Variants in RLF observed in about 807,000 individuals in gnomAD.
RLF encodes RLF zinc finger, also known as zinc finger protein Rlf.
RLF carries 7 observed loss-of-function variants against 162.9 expected under a neutral mutation model. The observed-to-expected ratio is 0.04, with a 90% CI of 0.02 to 0.08. The LOEUF (loss-of-function observed/expected upper bound fraction) is 0.08. Ranked by LOEUF, RLF falls within the 10% of genes least tolerant of loss-of-function variation. The pLI is 1.00. For synonymous variants in RLF, 782 were observed against 791.5 expected (o/e 0.99, Z 0.20); for missense variants, 1,664 against 2,244.7 (o/e 0.74, Z 5.23).
intron 5 of RLF, among the ~76,000 whole-genome samples, chr1:40,221,329 AAAC>A (rs1642990643): frequency 6.6e-6 from 1 of 152,140 alleles, no homozygotes; most frequent in African/African-American, 2.4e-5. Flanking sequence ...ATGAAAAAAA[AAAC>A]AAGATAATAC....
intron 5 of RLF, 114 bp downstream of exon 5, chr1:40,202,728 G>A (rs1274584630): frequency 6.5e-6 from 4 of 611,086 alleles, no homozygotes; most frequent in Non-Finnish European, 8.1e-6. Context: ...TTTTTTTCAG[G>A]CTACCAAAAT....
At position 40,220,320 on chromosome 1, in the gene RLF, T is replaced by G. The variant is rs139343050; in HGVS notation, c.811-2254T>G. Among the ~76,000 whole-genome samples the G allele has an allele frequency of 1.3e-3, 200 of 152,348 alleles. 1 individual carries two copies. The highest frequency in any genetic ancestry group is 4.6e-3 in the African/African-American group (193 of 41,572). On this transcript the variant is annotated intron_variant, in intron 5 of 7. Coordinates refer to ENST00000372771, the MANE Select transcript of RLF (RefSeq NM_012421.4). ...ATTGCTGGGTTACCCACAACTATAC[T>G]GAAATATTTTATTTCTATTTCTATG...
chr1:40,192,244 A>G (rs1276473247), intron 3 of RLF, among the ~76,000 whole-genome samples: 1 of 152,178 alleles, frequency 6.6e-6, no homozygotes, highest in Non-Finnish European at 1.5e-5. Context: ...GAAGCCTGCC[A>G]GTCGTTTTGT....
intron 5 of RLF, among the ~76,000 whole-genome samples, chr1:40,204,572 AATTTATTTTTT>A (rs1481384532): frequency 1.3e-5 from 2 of 151,626 alleles, no homozygotes; most frequent in African/African-American, 4.9e-5. Context: ...ATTCCCGATT[AATTTATTTTTT>A]ATTTATTTTT....
chr1:40,185,543 A>T (rs983846118), intron 1 of RLF, among the ~76,000 whole-genome samples: 1 of 126,594 alleles, frequency 7.9e-6, no homozygotes, highest in African/African-American at 3.1e-5. Context: ...AAAAAAAAAA[A>T]GCCGGGCGCA....
At chr1:40,200,143 C>T (rs928169236) in intron 4 of RLF, among the ~76,000 whole-genome samples, 7 of 152,134 alleles carry the variant, frequency 4.6e-5, no homozygotes, top group African/African-American at 1.7e-4. Flanking sequence ...AACCAAAAAA[C>T]ATACATCCCA....
intron 5 of RLF, among the ~76,000 whole-genome samples, chr1:40,210,442 A>G (rs112818370): frequency 1.8e-4 from 27 of 152,228 alleles, no homozygotes; most frequent in Non-Finnish European, 2.5e-4. Context: ...AGTACTTTGC[A>G]GGGATCCACT....
chr1:40,162,832 T>G (rs1021460043), intron 1 of RLF, among the ~76,000 whole-genome samples: 2 of 152,214 alleles, frequency 1.3e-5, no homozygotes, highest in South Asian at 2.1e-4. Context: ...TGTTAACGTG[T>G]TGTTGTTCTC....
At chr1:40,166,859 TG>T (rs1224038798) in intron 1 of RLF, among the ~76,000 whole-genome samples, 7 of 14,370 alleles carry the variant, frequency 4.9e-4, no homozygotes, top group Middle Eastern at 0.045. Context: ...TGTTGTGGGG[TG>T]GGGGGAGGGG....
At position 40,239,838 on chromosome 1, in the gene RLF, T is replaced by C. The variant is rs780032655; in HGVS notation, c.5136T>C (p.Tyr1712=). 9 of 1,613,936 alleles carry C rather than the reference T, an allele frequency of 5.6e-6. No homozygotes were observed. The highest frequency in any genetic ancestry group is 2.2e-5 in the East Asian group (1 of 44,892). ...PNPNGTESGT[Y]FTSFQLPLPR... is the part of the protein sequence containing the mutation. ...CCAATGGGACTGAAAGTGGGACTTA[T>C]TTCACAAGTTTCCAGCTGCCTTTAC... Residue 1712 remains tyrosine (Y), a synonymous_variant, in exon 8 of 8, where the codon TAT becomes TAC. Transcript: ENST00000372771.
Position 40,236,865 on chromosome 1 carries a change from A to G in RLF, c.2163A>G (p.Arg721=). Residue 721 remains arginine, a synonymous_variant, in exon 8 of 8, where the codon CGA becomes CGG. Transcript: ENST00000372771. This position sits in a 1 kb window ranked among gnomAD's most constrained non-coding sequence, Gnocchi z 7.7. ...NRREKCTYCR[R]HFMSAFHLRE... ...GAGAGAAGTGTACTTACTGTCGACGACATTTTATGTCTGCTTTTCACCTTC... is the reference window on the plus strand; with the variant it reads ...GAGAGAAGTGTACTTACTGTCGACGGCATTTTATGTCTGCTTTTCACCTTC... 6.2e-7 allele frequency: 1 copy of G among 1,614,198 alleles called. No individual in the cohort carries two copies. The highest frequency in any genetic ancestry group is 2.2e-5 in the East Asian group (1 of 44,890).
At chr1:40,195,944 AGTTTT>A (rs1252398936) in intron 4 of RLF, among the ~76,000 whole-genome samples, 180 bp downstream of exon 4, 1 of 152,198 alleles carries the variant, frequency 6.6e-6, no homozygotes, top group African/African-American at 2.4e-5. Flanking sequence ...TTGCACTGTT[AGTTTT>A]AAGTCCCTTT....
In RLF at chr1:40,237,594, A is replaced by G. The variant is rs1239625144; in HGVS notation, c.2892A>G (p.Thr964=). 1.9e-6 allele frequency: 3 copies of G among 1,614,048 alleles called. No homozygotes were observed. Among genetic ancestry groups the G allele is most frequent in the Non-Finnish European group, 2.5e-6 (3 of 1,180,000 alleles). The change falls in exon 8 of 8, where the codon ACA becomes ACG. Residue 964 remains threonine (T), a synonymous_variant. Coordinates refer to ENST00000372771, the MANE Select transcript of RLF (RefSeq NM_012421.4). The surrounding 1 kb of genome is among the most constrained non-coding windows in gnomAD (Gnocchi z 4.4). Reference sequence around the variant, plus strand: ...GTGGTTTTGATGGCTGTGGTTCCACATACAAAAATGCAAGAGGAATGCAGA... The same window carrying G: ...GTGGTTTTGATGGCTGTGGTTCCACGTACAAAAATGCAAGAGGAATGCAGA... ...FTCGFDGCGS[T]YKNARGMQKH...
intron 5 of RLF, among the ~76,000 whole-genome samples, chr1:40,218,171 A>G (rs1002895034): frequency 2.6e-5 from 4 of 152,240 alleles, no homozygotes; most frequent in African/African-American, 9.6e-5. Context: ...AGTAAGTTTC[A>G]GATCCTTTAG....
At chr1:40,212,864 T>G (rs1333665053) in intron 5 of RLF, among the ~76,000 whole-genome samples, 1 of 151,960 alleles carries the variant, frequency 6.6e-6, no homozygotes, top group Non-Finnish European at 1.5e-5. Context: ...AGTTTGGGAG[T>G]AGAAGAAAAA....
intron 1 of RLF, among the ~76,000 whole-genome samples, chr1:40,162,173 T>G (rs1425288794): frequency 6.6e-6 from 1 of 151,794 alleles, no homozygotes. Flanking sequence ...CGGTTGGTTG[T>G]TTGGTTTTTG....
chr1:40,196,199 A>C (rs1340833984), intron 4 of RLF, among the ~76,000 whole-genome samples: 1 of 151,578 alleles, frequency 6.6e-6, no homozygotes, highest in Non-Finnish European at 1.5e-5. Context: ...CAGCCTCCTG[A>C]ATAGCTGGGA....
intron 1 of RLF, among the ~76,000 whole-genome samples, chr1:40,176,325 C>T (rs1317602201): frequency 2.0e-5 from 3 of 152,186 alleles, no homozygotes; most frequent in Non-Finnish European, 4.4e-5. Flanking sequence ...TTCACATCAG[C>T]GCTGTATGAG....
At chr1:40,196,888 A>G (rs1410277000) in intron 4 of RLF, among the ~76,000 whole-genome samples, 1 of 152,248 alleles carries the variant, frequency 6.6e-6, no homozygotes, top group Non-Finnish European at 1.5e-5. Context: ...AGATCACAAA[A>G]GTATCTTCTT....
Sources: gnomAD v4.1 joint callset for allele counts (sites outside exome capture counted in the v4.1 genomes callset) on GRCh38, gnomAD v4.1.1 for gene constraint, Gnocchi (gnomAD v3.1) non-coding constraint, MANE v1.5 for transcripts, NCBI Gene and HGNC (gene_info 2026-07-23, HGNC 2026-07-21) for gene names.